PCBP3: variants seen among roughly 807,000 people sequenced by gnomAD.
PCBP3 encodes poly(rC) binding protein 3, also known as poly(rC)-binding protein 3.
In PCBP3, 25 loss-of-function variants were observed where a neutral mutation model predicts 52.7. The observed-to-expected ratio is 0.47, with a 90% CI of 0.35 to 0.66. The LOEUF (loss-of-function observed/expected upper bound fraction) is 0.66, where lower values mean the gene tolerates loss of function less well. PCBP3 is among the 30% of genes least tolerant of loss of function. The pLI is 0.01. For missense variants in PCBP3, 391 were observed against 490.3 expected (o/e 0.80, Z 1.91); for synonymous variants, 162 against 183.0 (o/e 0.89, Z 0.93).
At chr21:45,750,265 AT>A (rs2087311842) in intron 3 of PCBP3, 1 of 152,326 alleles carries the variant, frequency 6.6e-6, no homozygotes, top group Non-Finnish European at 1.5e-5. Context: ...CCATGCGGAA[AT>A]CCTGCATCTT....
intron 11 of PCBP3, among the ~76,000 whole-genome samples, chr21:45,912,025 A>G (rs1296848299): frequency 6.6e-6 from 1 of 152,198 alleles, no homozygotes; most frequent in African/African-American, 2.4e-5. Flanking sequence ...GAACAGTTCT[A>G]GGAGGGACAT....
intron 4 of PCBP3, among the ~76,000 whole-genome samples, chr21:45,775,796 AT>A (rs2090206901): frequency 1.3e-5 from 2 of 152,116 alleles, no homozygotes; most frequent in Admixed American, 1.3e-4. Context: ...TTTTTGTTTC[AT>A]TCATCCTTTG....
intron 4 of PCBP3, among the ~76,000 whole-genome samples, chr21:45,816,389 TTTTC>T (rs1484199359): frequency 7.0e-6 from 1 of 143,340 alleles, no homozygotes; most frequent in Admixed American, 6.9e-5. Flanking sequence ...CGCCAAAATA[TTTTC>T]TTTGTTTTTA....
At chr21:45,691,411 AT>A (rs2082459939) in intron 2 of PCBP3, among the ~76,000 whole-genome samples, 1 of 143,422 alleles carries the variant, frequency 7.0e-6, no homozygotes, top group African/African-American at 2.6e-5. Context: ...TCATATATAT[AT>A]TATATATATA....
chr21:45,646,053 T>TTCTCTCTCTCTCTCTCTCTCTCTCTC (rs10682556), intron 1 of PCBP3, among the ~76,000 whole-genome samples: 2 of 71,452 alleles, frequency 2.8e-5, no homozygotes, highest in South Asian at 7.5e-4. Flanking sequence ...TGTCACCTGT[T>TTCTCTCTCTCTCTCTCTCTCTCTCTC]TCTCTCTCTC....
chr21:45,659,837 A>G (rs977433195), intron 1 of PCBP3, among the ~76,000 whole-genome samples: 5 of 151,950 alleles, frequency 3.3e-5, no homozygotes, highest in African/African-American at 1.2e-4. Context: ...AATCCTTTAA[A>G]ATTTTGGGAC....
At chr21:45,723,738 G>A (rs1357361016) in intron 2 of PCBP3, among the ~76,000 whole-genome samples, 4 of 152,344 alleles carry the variant, frequency 2.6e-5, no homozygotes, top group East Asian at 1.9e-4. Flanking sequence ...ACGCAGGTTG[G>A]ATGCCAGGCC....
Position 45,727,157 on chromosome 21 carries a change from AT to A in PCBP3, c.-199-8233del, listed in dbSNP as rs1168042821. Among the ~76,000 whole-genome samples the A allele has an allele frequency of 2.0e-5, 3 of 152,214 alleles. No homozygotes were observed. The East Asian group carries it at 5.8e-4, about 29-fold the overall frequency. On this transcript the variant is annotated intron_variant, in intron 2 of 17. Transcript: ENST00000681687. ...TTCTATAAGCTTTATAGTTTTGACT[AT>A]TACATTTAAGTCTATGATCCATTTT...
chr21:45,759,989 A>G (rs2088466054), intron 4 of PCBP3: 1 of 152,212 alleles, frequency 6.6e-6, no homozygotes, highest in Admixed American at 6.5e-5. Context: ...TGCTGAGAGA[A>G]AAGAACTGAC....
intron 2 of PCBP3, among the ~76,000 whole-genome samples, chr21:45,695,338 T>G (rs958142676): frequency 2.0e-5 from 3 of 152,180 alleles, no homozygotes; most frequent in Admixed American, 6.5e-5. Context: ...GTTTCAGGGC[T>G]TTTGTTCTTG....
At chr21:45,660,616 G>A (rs899711325) in intron 1 of PCBP3, among the ~76,000 whole-genome samples, 5 of 151,924 alleles carry the variant, frequency 3.3e-5, no homozygotes, top group Non-Finnish European at 7.4e-5. Context: ...GGGTTACTTG[G>A]GGTCTTACTA....
rs1333046451 is a variant in PCBP3, at chr21:45,800,099, G to A, written c.-126+44647G>A. Among the ~76,000 whole-genome samples, 1 of 152,178 alleles carries A rather than the reference G, an allele frequency of 6.6e-6. No homozygotes were observed. The highest frequency in any genetic ancestry group is 1.5e-5 in the Non-Finnish European group (1 of 68,030). Reference sequence around the variant, plus strand: ...TGCTGTTCTCTCTTCATGAATCATGGCCTGGCTTCCGTGCAGCTGCCTTTT... The same window carrying A: ...TGCTGTTCTCTCTTCATGAATCATGACCTGGCTTCCGTGCAGCTGCCTTTT... On this transcript the variant is annotated intron_variant, in intron 4 of 17. Transcript: ENST00000681687. This position sits in a 1 kb window ranked among gnomAD's most constrained non-coding sequence, Gnocchi z 5.3.
rs151091330 is a variant in PCBP3, at chr21:45,668,284, G to A, written c.-278-590G>A. On this transcript the variant is annotated intron_variant, in intron 1 of 17. Transcript: ENST00000681687. ...CCAGATTTTCCTTTTAAGCTTTTGA[G>A]TTAATATATTATTTGTTCCAACTGT... Among the ~76,000 whole-genome samples the A allele has an allele frequency of 4.9e-3, 740 of 152,150 alleles. 6 individuals are homozygous for A. The highest frequency in any genetic ancestry group is 0.017 in the African/African-American group (709 of 41,496).
chr21:45,710,170 T>C (rs1476042814), intron 2 of PCBP3, among the ~76,000 whole-genome samples: 2 of 152,226 alleles, frequency 1.3e-5, no homozygotes, highest in African/African-American at 4.8e-5. Context: ...ATTAGTGTTA[T>C]ACTTTAAGTT....
chr21:45,853,957 C>G lies in PCBP3; in HGVS notation c.10+3862C>G, dbSNP rs1041236074. 1.3e-5 allele frequency: 2 copies of G among 151,908 alleles called. No homozygotes were observed. The highest frequency in any genetic ancestry group is 2.9e-5 in the Non-Finnish European group (2 of 68,012). 9.4% of individuals were successfully genotyped at this position (151,908 alleles called of 1,614,324 possible). On this transcript the variant is annotated intron_variant, in intron 5 of 17. Coordinates refer to ENST00000681687, the MANE Select transcript of PCBP3 (RefSeq NM_001384156.1). The surrounding 1 kb of genome is among the most constrained non-coding windows in gnomAD (Gnocchi z 4.6). ...TGCCGACGTGTCATAAACTGATATC[C>G]GCATCTCAGCCTCTGTGCACGAGGC...
chr21:45,722,509 G>GT (rs914897824), intron 2 of PCBP3, among the ~76,000 whole-genome samples: 38 of 151,598 alleles, frequency 2.5e-4, no homozygotes, highest in Admixed American at 2.0e-3. Flanking sequence ...AAATGCAGAA[G>GT]TTTTTTTTTA....
At chr21:45,745,039 G>A (rs2086724104) in intron 3 of PCBP3, among the ~76,000 whole-genome samples, 1 of 152,216 alleles carries the variant, frequency 6.6e-6, no homozygotes, top group Non-Finnish European at 1.5e-5. Flanking sequence ...GTCACAGGCT[G>A]TCACGGAGCA....
At chr21:45,773,919 T>C (rs2090064157) in intron 4 of PCBP3, among the ~76,000 whole-genome samples, 1 of 152,236 alleles carries the variant, frequency 6.6e-6, no homozygotes, top group African/African-American at 2.4e-5. Flanking sequence ...ATCAGCACTT[T>C]GTAGTTTTCC....
intron 13 of PCBP3, among the ~76,000 whole-genome samples, chr21:45,926,131 C>G (rs1354669164): frequency 6.6e-6 from 1 of 152,206 alleles, no homozygotes; most frequent in East Asian, 1.9e-4. Flanking sequence ...GACGGTTCAG[C>G]CAACATCAGA....
Sources: allele counts gnomAD v4.1 joint callset (sites outside exome capture counted in the v4.1 genomes callset), GRCh38; gene constraint gnomAD v4.1.1; non-coding constraint Gnocchi (gnomAD v3.1); transcripts MANE v1.5; gene names NCBI Gene and HGNC (gene_info 2026-07-23, HGNC 2026-07-21).